Variants in COA4 observed in about 807,000 individuals in gnomAD.
COA4 encodes the protein cytochrome c oxidase assembly factor 4 homolog, mitochondrial.
Under a neutral mutation model 7.3 loss-of-function variants are expected in COA4, and 8 were observed. The observed-to-expected ratio is 1.10, with a 90% CI of 0.64 to 1.98. The LOEUF is 1.98. Among genes scored for constraint, COA4 ranks in the 30% most tolerant of loss-of-function variants. The pLI is 0.00. For synonymous variants in COA4, 42 were observed against 44.3 expected (o/e 0.95, Z 0.21); for missense variants, 96 against 111.2 (o/e 0.86, Z 0.62).
chr11:73,874,944 G>A (rs1948724746), intron 1 of COA4, among the ~76,000 whole-genome samples: 1 of 151,998 alleles, frequency 6.6e-6, no homozygotes, highest in Non-Finnish European at 1.5e-5. Flanking sequence ...CAAAGATCGT[G>A]CCACTGCACT....
chr11:73,874,942 G>A (rs1234976516), intron 1 of COA4, among the ~76,000 whole-genome samples: 2 of 151,938 alleles, frequency 1.3e-5, no homozygotes, highest in African/African-American at 2.4e-5. Flanking sequence ...GCCAAAGATC[G>A]TGCCACTGCA....
rs779947454 is a variant in COA4, at chr11:73,873,336, C to T, written c.43G>A (p.Val15Met). ...TCCTCCTCCTCATCGTCTTTCTTCA[C>T]CCGTTGGGTCCAGGTATGGCCTTGA... ...VPQGHTWTQR[V>M]KKDDEEEDPL... Residue 15 changes from valine to methionine, a missense_variant, in exon 2 of 2, where the codon GTG (valine) becomes ATG (methionine). Val to Met is a conservative substitution (Grantham distance 21). Coordinates refer to ENST00000355693, the MANE Select transcript of COA4 (RefSeq NM_016565.3). The T allele has an allele frequency of 1.4e-5, 22 of 1,614,094 alleles. No homozygotes were observed. The South Asian group carries it at 2.4e-4, about 18-fold the overall frequency.
chr11:73,876,077 T>G (rs1948740710), intron 1 of COA4: 3 of 145,016 alleles, frequency 2.1e-5, no homozygotes, highest in Middle Eastern at 7.4e-3. Flanking sequence ...CTGTGAGCCG[T>G]GATCACGCCA....
intron 1 of COA4, 67 bp downstream of exon 1, chr11:73,876,690 G>A (rs1288843446): frequency 8.5e-6 from 2 of 234,558 alleles, no homozygotes; most frequent in Non-Finnish European, 1.6e-5. Flanking sequence ...ATGCGCGCGC[G>A]CGGCCGCTGA....
chr11:73,874,726 A>C (rs1407571271), intron 1 of COA4, among the ~76,000 whole-genome samples: 1 of 152,136 alleles, frequency 6.6e-6, no homozygotes, highest in Non-Finnish European at 1.5e-5. Flanking sequence ...AGTGGCTCAC[A>C]CATGTAATCC....
chr11:73,873,446 A>G (rs910013374), intron 1 of COA4, 52 bp from the exon 2 acceptor site: 2 of 1,518,012 alleles, frequency 1.3e-6, no homozygotes, highest in Admixed American at 3.5e-5. Flanking sequence ...AGGTTCCTAA[A>G]TTATAAATAG....
At position 73,873,342 on chromosome 11, in the gene COA4, G is replaced by A. The variant is rs1197868385; in HGVS notation, c.37C>T (p.Gln13Ter). 2 of 1,614,064 alleles carry A rather than the reference G, an allele frequency of 1.2e-6. No homozygotes were observed. The highest frequency in any genetic ancestry group is 1.7e-5 in the Admixed American group (1 of 59,992). Residue 13 changes from glutamine to a stop codon, truncating the protein, a stop_gained, in exon 2 of 2, where the codon CAA becomes TAA. Coordinates refer to ENST00000355693, the MANE Select transcript of COA4 (RefSeq NM_016565.3). LOFTEE classifies it high-confidence loss of function. ...TSVPQGHTWT[Q>*]RVKKDDEEED... is the part of the protein sequence containing the mutation. The stretch of plus-strand genomic sequence containing the variant: ...TCCTCATCGTCTTTCTTCACCCGTT[G>A]GGTCCAGGTATGGCCTTGAGGGACT...
chr11:73,876,673 A>T, intron 1 of COA4, 84 bp downstream of exon 1: 1 of 212,280 alleles, frequency 4.7e-6, no homozygotes, highest in Non-Finnish European at 9.3e-6. Context: ...TTGAACTTTG[A>T]GGACGCATGC....
intron 1 of COA4, 90 bp from the exon 2 acceptor site, chr11:73,873,484 G>T: frequency 4.6e-6 from 5 of 1,082,590 alleles, no homozygotes; most frequent in Non-Finnish European, 5.3e-6. Flanking sequence ...CATTTAGCCT[G>T]TTTAATGTGT....
At position 73,872,820 on chromosome 11, in the gene COA4, A is replaced by C; in HGVS notation, c.*295T>G. The C allele has an allele frequency of 2.7e-6, 1 of 371,368 alleles. No individual in the cohort carries two copies. The highest frequency in any genetic ancestry group is 4.9e-6 in the Non-Finnish European group (1 of 206,182). 23.0% of individuals were successfully genotyped at this position (371,368 alleles called of 1,614,324 possible). A position where few individuals can be genotyped will look rare whatever the true frequency, so the allele number is the denominator to read the frequency against. On this transcript the variant is annotated 3_prime_UTR_variant, in exon 2 of 2. Coordinates refer to ENST00000355693, the MANE Select transcript of COA4 (RefSeq NM_016565.3). The stretch of plus-strand genomic sequence containing the variant: ...AATAAAATGTCCCTAAAATCATCTC[A>C]GTACTTGGCACACTGACTTAAGATG...
At chr11:73,876,134 A>G (rs1267415994) in intron 1 of COA4, 1 of 148,402 alleles carries the variant, frequency 6.7e-6, no homozygotes, top group Non-Finnish European at 1.5e-5. Flanking sequence ...CTCAAAAAAA[A>G]AAAAAAAGAA....
At chr11:73,875,278 G>A (rs1948729454) in intron 1 of COA4, among the ~76,000 whole-genome samples, 1 of 152,104 alleles carries the variant, frequency 6.6e-6, no homozygotes, top group African/African-American at 2.4e-5. Flanking sequence ...CACCATGATG[G>A]GCTGTAAAGC....
chr11:73,876,118 C>A (rs1481149837), intron 1 of COA4: 1 of 136,400 alleles, frequency 7.3e-6, no homozygotes, highest in Non-Finnish European at 1.5e-5. Context: ...CAGCGGGAGA[C>A]CCTGTCTCAA....
rs766780154 is a variant in COA4 at position 73,873,176 on chromosome 11, T to C, written c.203A>G (p.Gln68Arg). ...CAGCTCCTCTTGCCGCCTCGCCTGC[T>C]GTTCACTCATGCAATCCTTGAACGC... ...VQAFKDCMSE[Q>R]QARRQEELQR... The change falls in exon 2 of 2, where the codon CAG (glutamine) becomes CGG (arginine). Residue 68 changes from glutamine (Q) to arginine (R), a missense_variant. Gln to Arg is a conservative substitution (Grantham distance 43, BLOSUM62 1). Coordinates refer to ENST00000355693, the MANE Select transcript of COA4 (RefSeq NM_016565.3). 2.5e-6 allele frequency: 4 copies of C among 1,614,160 alleles called. No individual in the cohort carries two copies. The South Asian group carries it at 4.4e-5, about 18-fold the overall frequency.
chr11:73,874,800 G>A (rs1010698361), intron 1 of COA4, among the ~76,000 whole-genome samples: 8 of 152,168 alleles, frequency 5.3e-5, no homozygotes, highest in African/African-American at 1.9e-4. Context: ...AGCCTGGCCG[G>A]GATGATGAAA....
chr11:73,876,758 G>A lies in COA4; in HGVS notation c.-18C>T. The A allele has an allele frequency of 2.9e-6, 1 of 348,598 alleles. No individual in the cohort carries two copies. The allele number at this position is 348,598 out of a possible 1,614,324, so 21.6% of individuals were successfully genotyped here. A position where few individuals can be genotyped will look rare whatever the true frequency, so the allele number is the denominator to read the frequency against. Reference sequence around the variant, plus strand: ...AAGAACGCGGTACGCGATGCTCACCGAACAGGTGGGAGAAGAGGGCCCGAA... The same window carrying A: ...AAGAACGCGGTACGCGATGCTCACCAAACAGGTGGGAGAAGAGGGCCCGAA... On this transcript the variant is annotated splice_region_variant and 5_prime_UTR_variant, in exon 1 of 2. Transcript: ENST00000355693.
At chr11:73,874,123 G>C (rs907052242) in intron 1 of COA4, among the ~76,000 whole-genome samples, 1 of 152,142 alleles carries the variant, frequency 6.6e-6, no homozygotes, top group South Asian at 2.1e-4. Flanking sequence ...GAGACCAGCA[G>C]GGGTAATAGC....
chr11:73,876,034 C>A (rs1948740019), intron 1 of COA4: 1 of 148,936 alleles, frequency 6.7e-6, no homozygotes, highest in Admixed American at 6.8e-5. Context: ...GAGGCTGAGG[C>A]GGGAGGATGG....
In COA4 at chr11:73,876,287, T is replaced by C. The variant is rs1307671530; in HGVS notation, c.-17+470A>G. Reference sequence around the variant, plus strand: ...AGAGAAAGAACAGTGGAATAGAAAGTGCCTTGATCCTAAACCAAGAGATCC... The same window carrying C: ...AGAGAAAGAACAGTGGAATAGAAAGCGCCTTGATCCTAAACCAAGAGATCC... On this transcript the variant is annotated intron_variant, in intron 1 of 1. Transcript: ENST00000355693. The C allele has an allele frequency of 2.6e-5, 4 of 152,174 alleles. No homozygotes were observed. The East Asian group carries it at 7.7e-4, about 29-fold the overall frequency. 9.4% of individuals were successfully genotyped at this position (152,174 alleles called of 1,614,324 possible). A position where few individuals can be genotyped will look rare whatever the true frequency, so the allele number is the denominator to read the frequency against.
Sources: gnomAD v4.1 joint callset for allele counts (sites outside exome capture counted in the v4.1 genomes callset) on GRCh38, gnomAD v4.1.1 for gene constraint, MANE v1.5 for transcripts, NCBI Gene and HGNC (gene_info 2026-07-23, HGNC 2026-07-21) for gene names.